The following WSCD2 variants were observed in gnomAD, a reference collection of about 807,000 sequenced individuals.
The protein encoded by WSCD2 is WSC domain sialate O sulfotransferase 2.
A neutral mutation model predicts 55.7 loss-of-function variants in WSCD2; 28 were observed. That is an observed-to-expected ratio of 0.50 (90% CI 0.37 to 0.69). The LOEUF is 0.69. Among genes scored for constraint, WSCD2 ranks in the 30% least tolerant of loss-of-function variants. WSCD2 has a pLI of 0.00. For synonymous variants in WSCD2, 301 were observed against 301.9 expected, an observed-to-expected ratio of 1.00 and a Z score of 0.03; for missense variants, 616 against 762.1, an observed-to-expected ratio of 0.81 and a Z score of 2.26.
intron 1 of WSCD2, among the ~76,000 whole-genome samples, chr12:108,177,017 G>C (rs1219270569): frequency 1.3e-5 from 2 of 152,074 alleles, no homozygotes; most frequent in East Asian, 3.9e-4. Flanking sequence ...AGCAGCAGCT[G>C]GCAGGAGGCA....
intron 1 of WSCD2, chr12:108,171,720 T>A (rs144707191): frequency 6.6e-6 from 1 of 152,286 alleles, no homozygotes; most frequent in African/African-American, 2.4e-5. Context: ...AGAGTTTCCA[T>A]CCCGGAGTCA....
At chr12:108,134,966 C>T (rs1382377177) in intron 1 of WSCD2, among the ~76,000 whole-genome samples, 4 of 152,168 alleles carry the variant, frequency 2.6e-5, no homozygotes, top group African/African-American at 9.7e-5. Context: ...CATATTGCCT[C>T]CCAGTGCCAG....
chr12:108,195,226 G>A (rs1158527422), intron 1 of WSCD2, 56 bp from the exon 2 acceptor site: 4 of 152,620 alleles, frequency 2.6e-5, no homozygotes, highest in African/African-American at 9.6e-5. Context: ...AGAACCCTGT[G>A]GGTTCTGTGC....
chr12:108,192,447 C>T (rs1041295487), intron 1 of WSCD2, among the ~76,000 whole-genome samples: 6 of 152,166 alleles, frequency 3.9e-5, no homozygotes, highest in Non-Finnish European at 8.8e-5. Context: ...GCTGGTGTCC[C>T]CTTGCCCATC....
At chr12:108,137,565 G>A (rs1358220111) in intron 1 of WSCD2, among the ~76,000 whole-genome samples, 5 of 152,208 alleles carry the variant, frequency 3.3e-5, no homozygotes, top group African/African-American at 9.6e-5. Context: ...ACAAAACTAC[G>A]AAGCATGGAA....
chr12:108,248,845 C>T lies in WSCD2; in HGVS notation c.*502C>T, dbSNP rs1403685567. 2.0e-6 allele frequency: 2 copies of T among 989,672 alleles called. No homozygotes were observed. The highest frequency in any genetic ancestry group is 2.4e-6 in the Non-Finnish European group (2 of 832,188). 61.3% of individuals were successfully genotyped at this position (989,672 alleles called of 1,614,324 possible). A position where few individuals can be genotyped will look rare whatever the true frequency, so the allele number is the denominator to read the frequency against. The stretch of plus-strand genomic sequence containing the variant: ...GCTGGCACCGATGTTTAACTCAGGC[C>T]ACCTTCTGTTCTAAAGAAAGATTGC... On this transcript the variant is annotated 3_prime_UTR_variant, in exon 9 of 9. Coordinates refer to ENST00000547525, the MANE Select transcript of WSCD2 (RefSeq NM_014653.4). The surrounding 1 kb of genome is among the most constrained non-coding windows in gnomAD (Gnocchi z 4.3).
chr12:108,235,952 CCCA>C (rs1889226509), intron 7 of WSCD2, among the ~76,000 whole-genome samples: 2 of 152,188 alleles, frequency 1.3e-5, no homozygotes, highest in Admixed American at 6.5e-5. Flanking sequence ...CCAGTCTCTC[CCCA>C]CATCACCTTG....
intron 1 of WSCD2, chr12:108,131,716 A>G (rs1203878543): frequency 1.3e-5 from 2 of 152,232 alleles, no homozygotes; most frequent in African/African-American, 2.4e-5. Flanking sequence ...GTTCTCTCCA[A>G]TCACCTGACA....
chr12:108,200,977 G>GA (rs916922387), intron 2 of WSCD2, among the ~76,000 whole-genome samples: 4 of 152,200 alleles, frequency 2.6e-5, no homozygotes, highest in African/African-American at 9.6e-5. Flanking sequence ...CCCAGAAGGA[G>GA]AAAAAGTATT....
chr12:108,224,387 T>C (rs936198415), intron 4 of WSCD2, among the ~76,000 whole-genome samples: 1 of 152,170 alleles, frequency 6.6e-6, no homozygotes, highest in Non-Finnish European at 1.5e-5. Flanking sequence ...GTGTACTTGA[T>C]CATTTCCCTG....
intron 3 of WSCD2, among the ~76,000 whole-genome samples, chr12:108,206,646 T>C (rs1214026640): frequency 6.6e-6 from 1 of 152,244 alleles, no homozygotes; most frequent in East Asian, 1.9e-4. Flanking sequence ...ATATTGTGTC[T>C]AGGAACAATT....
intron 7 of WSCD2, 150 bp downstream of exon 7, chr12:108,233,045 G>C (rs1271377071): frequency 9.7e-7 from 1 of 1,028,368 alleles, no homozygotes; most frequent in East Asian, 2.6e-5. Flanking sequence ...TGCATGCTTG[G>C]TACCCCCCCA....
At position 108,224,764 on chromosome 12, in the gene WSCD2, C is replaced by G. The variant is rs1565982561; in HGVS notation, c.708C>G (p.Cys236Trp). The G allele has an allele frequency of 6.2e-7, 1 of 1,613,264 alleles. No individual in the cohort carries two copies. Among genetic ancestry groups the G allele is most frequent in the Non-Finnish European group, 8.5e-7 (1 of 1,180,036 alleles). The change falls in exon 5 of 9, where the codon TGC (cysteine) becomes TGG (tryptophan). Residue 236 changes from cysteine (C) to tryptophan (W), a missense_variant. By Grantham distance (215) the Cys-to-Trp change is radical (BLOSUM62 -2). This residue lies in a region of WSCD2 where 374 missense variants were observed against 467.4 expected (regional missense o/e 0.80). Transcript: ENST00000547525. ...ATGGAAGTGCAGTGTTCCGGGGCTGCTTCCGCAGGCCCGACAACCTTTCCC... is the reference window on the plus strand; with the variant it reads ...ATGGAAGTGCAGTGTTCCGGGGCTGGTTCCGCAGGCCCGACAACCTTTCCC... ...RRYGSAVFRG[C>W]FRRPDNLSLA...
At chr12:108,194,306 G>C (rs544181504) in intron 1 of WSCD2, among the ~76,000 whole-genome samples, 1 of 152,288 alleles carries the variant, frequency 6.6e-6, no homozygotes, top group Non-Finnish European at 1.5e-5. Context: ...ACACCCGGGA[G>C]ACCCTGACAA....
At chr12:108,169,065 C>T (rs939493084) in intron 1 of WSCD2, among the ~76,000 whole-genome samples, 70 of 152,222 alleles carry the variant, frequency 4.6e-4, no homozygotes, top group African/African-American at 1.7e-3. Context: ...GAGCACAAAC[C>T]CCACTGTGAA....
rs572178055 is a variant in WSCD2 at position 108,204,676 on chromosome 12, T to C, written c.383-1613T>C. On this transcript the variant is annotated intron_variant, in intron 2 of 8. Transcript: ENST00000547525. ...GCCTGCTCCAGGGAGATGATGCTTC[T>C]TTTAAAGATGGACTGTTCTTAGTCC... Among the ~76,000 whole-genome samples the C allele has an allele frequency of 1.5e-3, 228 of 152,250 alleles. 1 individual carries two copies. The highest frequency in any genetic ancestry group is 2.2e-3 in the Non-Finnish European group (152 of 68,046).
chr12:108,177,883 G>A (rs1881106915), intron 1 of WSCD2, among the ~76,000 whole-genome samples: 1 of 152,130 alleles, frequency 6.6e-6, no homozygotes, highest in African/African-American at 2.4e-5. Context: ...GGAGCCAGGG[G>A]AATGTTCAGA....
intron 1 of WSCD2, among the ~76,000 whole-genome samples, chr12:108,151,242 C>T (rs1327655302): frequency 6.6e-6 from 1 of 152,090 alleles, no homozygotes; most frequent in Non-Finnish European, 1.5e-5. Flanking sequence ...GGGGGCTGCC[C>T]TGTGCATTGC....
At chr12:108,219,432 A>C (rs1887222046) in intron 4 of WSCD2, among the ~76,000 whole-genome samples, 1 of 152,130 alleles carries the variant, frequency 6.6e-6, no homozygotes, top group African/African-American at 2.4e-5. Flanking sequence ...GGCACACATC[A>C]TCACTCACAC....
Sources: allele counts gnomAD v4.1 joint callset (sites outside exome capture counted in the v4.1 genomes callset), GRCh38; gene constraint gnomAD v4.1.1; regional missense constraint gnomAD v4.1.1; non-coding constraint Gnocchi (gnomAD v3.1); transcripts MANE v1.5; gene names NCBI Gene and HGNC (gene_info 2026-07-23, HGNC 2026-07-21).